Variants in KCNQ1OT1 observed in about 807,000 individuals in gnomAD.
KCNQ1OT1 encodes the protein KCNQ1 antisense RNA 2 (non-protein coding).
At chr11:2,610,190 C>T (rs1368061496) in exon 1 of KCNQ1OT1, 2 of 397,528 alleles carry the variant, frequency 5.0e-6, no homozygotes, top group South Asian at 1.3e-4. Flanking sequence ...TTAGTGTTTG[C>T]TCTAGGGCTT....
chr11:2,614,022 TA>T, exon 1 of KCNQ1OT1: 1 of 398,646 alleles, frequency 2.5e-6, no homozygotes, highest in East Asian at 3.6e-5. Context: ...AGTTGCATAG[TA>T]TTCCTTAGTG....
chr11:2,608,774 C>T lies in KCNQ1OT1; in HGVS notation n.91221G>A. The T allele has an allele frequency of 2.5e-6, 1 of 398,628 alleles. No individual in the cohort carries two copies. Among genetic ancestry groups the T allele is most frequent in the Non-Finnish European group, 4.4e-6 (1 of 226,070 alleles). The allele number at this position is 398,628 out of a possible 1,614,324, so 24.7% of individuals were successfully genotyped here. On this transcript the variant is annotated non_coding_transcript_exon_variant, in exon 1 of 1. Transcript: ENST00000597346. This position sits in a 1 kb window ranked among gnomAD's most constrained non-coding sequence, Gnocchi z 4.6. ...AAAGTGCTGGGATTACAGGTGTGAG[C>T]CACTGCAGCTAGCCTCGTTTTTTTG...
chr11:2,645,355 T>C lies in KCNQ1OT1; in HGVS notation n.54640A>G, dbSNP rs1319070417. 1 of 398,608 alleles carries C rather than the reference T, an allele frequency of 2.5e-6. No individual in the cohort carries two copies. The highest frequency in any genetic ancestry group is 4.4e-6 in the Non-Finnish European group (1 of 226,224). 24.7% of individuals were successfully genotyped at this position (398,608 alleles called of 1,614,324 possible). ...GTGATCCCTAGGCCCAGAGATGGTA[T>C]GCGCTGGCACTGGGAGAAAAGAGGG... On this transcript the variant is annotated non_coding_transcript_exon_variant, in exon 1 of 1. Transcript: ENST00000597346. This position sits in a 1 kb window ranked among gnomAD's most constrained non-coding sequence, Gnocchi z 5.8.
At position 2,668,256 on chromosome 11, in the gene KCNQ1OT1, C is replaced by T. The variant is rs1347100538; in HGVS notation, n.31739G>A. 1 of 398,626 alleles carries T rather than the reference C, an allele frequency of 2.5e-6. No individual in the cohort carries two copies. The highest frequency in any genetic ancestry group is 3.6e-5 in the East Asian group (1 of 28,076). The allele number at this position is 398,626 out of a possible 1,614,324, so 24.7% of individuals were successfully genotyped here. ...AGCAGGCAGTTTCTGGTGTAGGTTGCTGTTTAAGAATATTCTGTACATGCT... is the reference window on the plus strand; with the variant it reads ...AGCAGGCAGTTTCTGGTGTAGGTTGTTGTTTAAGAATATTCTGTACATGCT... On this transcript the variant is annotated non_coding_transcript_exon_variant, in exon 1 of 1. Coordinates refer to ENST00000597346, the Ensembl canonical transcript of KCNQ1OT1. The surrounding 1 kb of genome is among the most constrained non-coding windows in gnomAD (Gnocchi z 4.3).
At position 2,670,256 on chromosome 11, in the gene KCNQ1OT1, A is replaced by AG; in HGVS notation, n.29738dup. On this transcript the variant is annotated non_coding_transcript_exon_variant, in exon 1 of 1. Transcript: ENST00000597346. This position sits in a 1 kb window ranked among gnomAD's most constrained non-coding sequence, Gnocchi z 4.9. ...GACCCTGCACATGACGGGCGAGGGA[A>AG]GAGGACCATGGTAGCTTGTCTCTAG... 2.5e-6 allele frequency: 1 copy of AG among 398,608 alleles called. No homozygotes were observed. Among genetic ancestry groups the AG allele is most frequent in the South Asian group, 1.3e-4 (1 of 7,852 alleles). 24.7% of individuals were successfully genotyped at this position (398,608 alleles called of 1,614,324 possible).
chr11:2,684,462 CTA>C (rs1488134185), exon 1 of KCNQ1OT1: 1 of 398,552 alleles, frequency 2.5e-6, no homozygotes, highest in Non-Finnish European at 4.4e-6. Flanking sequence ...GGCAAAAAGA[CTA>C]TGCTCCAGAA....
At chr11:2,629,244 T>C (rs1849312083) in exon 1 of KCNQ1OT1, 2 of 398,256 alleles carry the variant, frequency 5.0e-6, no homozygotes, top group East Asian at 3.6e-5. Flanking sequence ...TCTTTCCATT[T>C]ATTTGTATCA....
At position 2,668,937 on chromosome 11, in the gene KCNQ1OT1, T is replaced by C. The variant is rs1850132246; in HGVS notation, n.31058A>G. ...GCTTTATTAGCTCACCTTTCCCATG[T>C]AGATCTGCACTCCATCTGGGATTGA... On this transcript the variant is annotated non_coding_transcript_exon_variant, in exon 1 of 1. Transcript: ENST00000597346. The surrounding 1 kb of genome is among the most constrained non-coding windows in gnomAD (Gnocchi z 4.3). 2.5e-6 allele frequency: 1 copy of C among 398,624 alleles called. No individual in the cohort carries two copies. Among genetic ancestry groups the C allele is most frequent in the Admixed American group, 4.4e-5 (1 of 22,742 alleles). 24.7% of individuals were successfully genotyped at this position (398,624 alleles called of 1,614,324 possible).
chr11:2,643,482 G>T (rs576675396), exon 1 of KCNQ1OT1: 3 of 398,264 alleles, frequency 7.5e-6, no homozygotes, highest in Non-Finnish European at 8.9e-6. Flanking sequence ...CTCCTGTTTG[G>T]TTTTTGTTTC....
rs1849161119 is a variant in KCNQ1OT1 at position 2,620,957 on chromosome 11, T to G, written n.79038A>C. On this transcript the variant is annotated non_coding_transcript_exon_variant, in exon 1 of 1. Coordinates refer to ENST00000597346, the Ensembl canonical transcript of KCNQ1OT1. The surrounding 1 kb of genome is among the most constrained non-coding windows in gnomAD (Gnocchi z 4.5). ...GTTGTTGTTTTGTTTTGTTTTTTTT[T>G]GTCTGTTTTTTGCTTTTTTGTTTGT... 5.0e-6 allele frequency: 2 copies of G among 396,852 alleles called. No homozygotes were observed. Among genetic ancestry groups the G allele is most frequent in the African/African-American group, 2.1e-5 (1 of 48,108 alleles). The allele number at this position is 396,852 out of a possible 1,614,324, so 24.6% of individuals were successfully genotyped here. A position where few individuals can be genotyped will look rare whatever the true frequency, so the allele number is the denominator to read the frequency against.
At chr11:2,660,855 C>T in exon 1 of KCNQ1OT1, 1 of 398,574 alleles carries the variant, frequency 2.5e-6, no homozygotes, top group Middle Eastern at 6.3e-4. Context: ...AGTATGTCAG[C>T]TTTTAAGAAT....
rs1354986580 is a variant in KCNQ1OT1, at chr11:2,633,261, G to C, written n.66734C>G. On this transcript the variant is annotated non_coding_transcript_exon_variant, in exon 1 of 1. Transcript: ENST00000597346. ...GGTGTTTTTTGCTGTTGAATTGTTT[G>C]AATTCCTTGTATATTCCGGATATTA... 7.5e-6 allele frequency: 3 copies of C among 398,322 alleles called. No homozygotes were observed. The East Asian group carries it at 1.1e-4, about 14-fold the overall frequency. 24.7% of individuals were successfully genotyped at this position (398,322 alleles called of 1,614,324 possible).
At chr11:2,656,656 C>T (rs957161385) in exon 1 of KCNQ1OT1, 53 of 398,284 alleles carry the variant, frequency 1.3e-4, no homozygotes, top group South Asian at 6.4e-4. Context: ...TTGTAGGAGT[C>T]CTTTGCATTT....
chr11:2,665,251 A>C (rs957336988), exon 1 of KCNQ1OT1: 3 of 398,488 alleles, frequency 7.5e-6, no homozygotes, highest in Non-Finnish European at 1.3e-5. Flanking sequence ...AGTCCCTGCC[A>C]GCCTCAAACT....
exon 1 of KCNQ1OT1, chr11:2,667,813 A>G (rs1175212013): frequency 2.5e-6 from 1 of 398,674 alleles, no homozygotes; most frequent in Non-Finnish European, 4.4e-6. Flanking sequence ...CTACCCTGGT[A>G]TAGGGTGGTG....
exon 1 of KCNQ1OT1, chr11:2,696,105 T>G: frequency 2.5e-6 from 1 of 398,680 alleles, no homozygotes. Flanking sequence ...AAATCCTTAA[T>G]CCATAATCAT....
exon 1 of KCNQ1OT1, chr11:2,625,791 A>G: frequency 2.5e-6 from 1 of 397,916 alleles, no homozygotes; most frequent in Non-Finnish European, 4.4e-6. Flanking sequence ...GGATGGTCTC[A>G]ATCTCCTGAC....
At chr11:2,681,025 T>C (rs925631085) in exon 1 of KCNQ1OT1, 42 of 398,438 alleles carry the variant, frequency 1.1e-4, no homozygotes, top group African/African-American at 8.0e-4. Context: ...GAAAGCCTCC[T>C]CAGATGTGGA....
exon 1 of KCNQ1OT1, chr11:2,699,559 AG>A (rs1305804467): frequency 3.4e-6 from 1 of 295,340 alleles, no homozygotes; most frequent in Non-Finnish European, 5.7e-6. Context: ...CGCGCGGAGG[AG>A]AACCATGCTG....
Sources: gnomAD v4.1 joint callset for allele counts on GRCh38, gnomAD v4.1.1 for gene constraint, Gnocchi (gnomAD v3.1) non-coding constraint, MANE v1.5 for transcripts, NCBI Gene and HGNC (gene_info 2026-07-23, HGNC 2026-07-21) for gene names.